DCT: variants seen among roughly 807,000 people sequenced by gnomAD.
DCT encodes L-dopachrome tautomerase.
Under a neutral mutation model 53.0 loss-of-function variants are expected in DCT, and 47 were observed. The observed-to-expected ratio is 0.89, with a 90% CI of 0.70 to 1.13. DCT has a LOEUF of 1.13. Among genes scored for constraint, DCT ranks in the 50% most tolerant of loss-of-function variants. The probability of loss-of-function intolerance (pLI) is 0.00; values close to 1 mark genes in which losing one functional copy is unlikely to be tolerated. For missense variants in DCT, 669 were observed against 637.4 expected (o/e 1.05, Z -0.53); for synonymous variants, 244 against 237.0 (o/e 1.03, Z -0.27).
intron 6 of DCT, chr13:94,445,671 A>T: frequency 2.4e-6 from 3 of 1,274,148 alleles, no homozygotes; most frequent in Non-Finnish European, 3.4e-6. Context: ...ATGGATAAAC[A>T]CAACAAAGGA....
the DCT span, among the ~76,000 whole-genome samples, chr13:94,512,584 T>C: frequency 3.9e-5 from 6 of 152,368 alleles, no homozygotes; most frequent in African/African-American, 1.2e-4. Context: ...TAGTATGGCA[T>C]GGCTTTGTTC....
chr13:94,440,221 C>A (rs549231041), intron 7 of DCT, 145 bp from the exon 8 acceptor site: 6 of 623,824 alleles, frequency 9.6e-6, no homozygotes, highest in Non-Finnish European at 1.7e-5. Flanking sequence ...TTATCTTCTC[C>A]TTTCTCACCA....
intron 1 of DCT, 87 bp downstream of exon 1, chr13:94,478,874 T>C: frequency 7.6e-7 from 1 of 1,313,806 alleles, no homozygotes; most frequent in Non-Finnish European, 1.0e-6. Context: ...AATCTAAGAG[T>C]CTCTGTCAAG....
chr13:94,520,089 A>G, the DCT span, among the ~76,000 whole-genome samples: 1 of 152,230 alleles, frequency 6.6e-6, no homozygotes, highest in Non-Finnish European at 1.5e-5. Context: ...AATAGCTTTC[A>G]GATATTATAC....
chr13:94,546,510 G>T, the DCT span, among the ~76,000 whole-genome samples: 1 of 152,066 alleles, frequency 6.6e-6, no homozygotes, highest in Non-Finnish European at 1.5e-5. The surrounding 1 kb of genome is among the most constrained non-coding windows in gnomAD (Gnocchi z 4.2). Context: ...TACTAACCAG[G>T]TGTGCGCCTC....
the DCT span, among the ~76,000 whole-genome samples, chr13:94,485,754 G>C: frequency 2.0e-5 from 3 of 152,162 alleles, no homozygotes; most frequent in African/African-American, 7.2e-5. Flanking sequence ...TGATAGGTGA[G>C]AAAGGGCTAA....
Position 94,469,998 on chromosome 13 carries a change from C to G in DCT, c.296-953G>C, listed in dbSNP as rs534650056. The stretch of plus-strand genomic sequence containing the variant: ...GCTGAGGCAGGAGAATGGCTTGAAC[C>G]CGGGAAGTAGAGGTTGCAATGAGCC... On this transcript the variant is annotated intron_variant, in intron 1 of 7. Transcript: ENST00000377028. 2.6e-5 allele frequency among the ~76,000 whole-genome samples: 4 copies of G among 151,950 alleles called. No individual in the cohort carries two copies. The East Asian group carries it at 5.8e-4, about 22-fold the overall frequency.
rs1004539781 is a variant in DCT at position 94,464,617 on chromosome 13, T to C, written c.863+1016A>G. Among the ~76,000 whole-genome samples, 4 of 151,414 alleles carry C rather than the reference T, an allele frequency of 2.6e-5. No homozygotes were observed. In the East Asian group the frequency reaches 5.8e-4, roughly 22 times the overall value. On this transcript the variant is annotated intron_variant, in intron 4 of 7. Coordinates refer to ENST00000377028, the MANE Select transcript of DCT (RefSeq NM_001922.5). ...ATCACGTCACTGCACTCCAGCCTGGTGACAGAGTGAGACTCCATCTCAAAA... is the reference window on the plus strand; with the variant it reads ...ATCACGTCACTGCACTCCAGCCTGGCGACAGAGTGAGACTCCATCTCAAAA...
chr13:94,456,528 T>C (rs1448012903), intron 6 of DCT, among the ~76,000 whole-genome samples: 1 of 152,192 alleles, frequency 6.6e-6, no homozygotes, highest in Non-Finnish European at 1.5e-5. Flanking sequence ...TTAATTAAGG[T>C]TTGAAAATCT....
At chr13:94,478,201 G>T (rs895359655) in intron 1 of DCT, among the ~76,000 whole-genome samples, 1 of 119,314 alleles carries the variant, frequency 8.4e-6, no homozygotes, top group Non-Finnish European at 1.6e-5. Context: ...GTCTTGCCAC[G>T]TCTCGACAAT....
chr13:94,501,244 G>C, the DCT span, among the ~76,000 whole-genome samples: 2 of 152,158 alleles, frequency 1.3e-5, no homozygotes, highest in Non-Finnish European at 2.9e-5. Flanking sequence ...ACTCCAGCCT[G>C]GGTGACAGAG....
the DCT span, among the ~76,000 whole-genome samples, chr13:94,510,769 T>C: frequency 2.0e-5 from 3 of 152,314 alleles, no homozygotes; most frequent in African/African-American, 7.2e-5. Flanking sequence ...CTACTTCTTT[T>C]TGAGCTCCAA....
rs752766114 is a variant in DCT at position 94,466,513 on chromosome 13, A to T, written c.696+45T>A. On this transcript the variant is annotated intron_variant, in intron 3 of 7. Transcript: ENST00000377028. ...TGTATGCCTTAAATATATACAATAAATTTTTTAAAAAATTAAAAGAACTAA... is the reference window on the plus strand; with the variant it reads ...TGTATGCCTTAAATATATACAATAATTTTTTTAAAAAATTAAAAGAACTAA... The T allele has an allele frequency of 6.1e-6, 8 of 1,309,668 alleles. No homozygotes were observed. The Admixed American group carries it at 9.0e-5, about 15-fold the overall frequency. 81.1% of individuals were successfully genotyped at this position (1,309,668 alleles called of 1,614,324 possible).
intron 7 of DCT, among the ~76,000 whole-genome samples, chr13:94,442,245 G>A (rs1044315951): frequency 3.3e-5 from 5 of 152,036 alleles, no homozygotes; most frequent in Non-Finnish European, 5.9e-5. Flanking sequence ...TGAGACTTTG[G>A]GTAAATAGGC....
At chr13:94,472,558 ATATATATATATT>A (rs1884788722) in intron 1 of DCT, among the ~76,000 whole-genome samples, 4 of 24,384 alleles carry the variant, frequency 1.6e-4, no homozygotes, top group African/African-American at 2.6e-4. Context: ...ATATATATAT[ATATATATATATT>A]TTTTTTTTTT....
At chr13:94,461,902 A>C (rs546808393) in intron 5 of DCT, 108 bp downstream of exon 5, 1 of 905,350 alleles carries the variant, frequency 1.1e-6, no homozygotes, top group African/African-American at 1.7e-5. Flanking sequence ...TCCATCACTT[A>C]GCTTCGTAGA....
At chr13:94,535,481 T>C in the DCT span, among the ~76,000 whole-genome samples, 1 of 152,212 alleles carries the variant, frequency 6.6e-6, no homozygotes, top group Non-Finnish European at 1.5e-5. Context: ...ATAGTTTTCA[T>C]ATAAATCTGT....
intron 6 of DCT, among the ~76,000 whole-genome samples, chr13:94,455,381 T>TAGAGAGAG (rs56301019): frequency 0.023 from 3,313 of 141,702 alleles, 71 homozygotes; most frequent in African/African-American, 0.043. Context: ...GACTGTCTCT[T>TAGAGAGAG]AGAGAGAGAG....
chr13:94,526,522 C>G, the DCT span, among the ~76,000 whole-genome samples: 1 of 151,998 alleles, frequency 6.6e-6, no homozygotes, highest in Non-Finnish European at 1.5e-5. Context: ...TGTAGCTACT[C>G]GGGAGGCTGA....
Sources: gnomAD v4.1 joint callset for allele counts (sites outside exome capture counted in the v4.1 genomes callset) on GRCh38, gnomAD v4.1.1 for gene constraint, Gnocchi (gnomAD v3.1) non-coding constraint, MANE v1.5 for transcripts, NCBI Gene and HGNC (gene_info 2026-07-23, HGNC 2026-07-21) for gene names.